Variants in HTR3E observed in about 807,000 individuals in gnomAD.
HTR3E encodes the protein 5-hydroxytryptamine receptor 3E, also known as 5-hydroxytryptamine (serotonin) receptor 3, family member E.
HTR3E carries 38 observed loss-of-function variants against 38.0 expected under a neutral mutation model. The observed-to-expected ratio is 1.00, with a 90% confidence interval of 0.77 to 1.31. HTR3E has a LOEUF of 1.31. HTR3E is among the 50% of genes most tolerant of loss of function. The pLI, the probability that HTR3E is intolerant of heterozygous loss-of-function variation, is 0.00. For synonymous variants in HTR3E, 210 were observed against 232.9 expected, an observed-to-expected ratio of 0.90 and a Z score of 0.89; for missense variants, 547 against 585.2, an observed-to-expected ratio of 0.93 and a Z score of 0.67.
intron 6 of HTR3E, 129 bp from the exon 7 acceptor site, chr3:184,105,636 C>T: frequency 1.1e-6 from 1 of 940,720 alleles, no homozygotes. Context: ...CTGCATTCCC[C>T]ACAGCTCCAG....
In HTR3E at chr3:184,097,436, A is replaced by G; in HGVS notation, c.-94A>G. 1 of 830,600 alleles carries G rather than the reference A, an allele frequency of 1.2e-6. No individual in the cohort carries two copies. The highest frequency in any genetic ancestry group is 1.9e-6 in the Non-Finnish European group (1 of 517,614). 51.5% of individuals were successfully genotyped at this position (830,600 alleles called of 1,614,324 possible). Reference sequence around the variant, plus strand: ...TCAGTGGTCAACCAATGCTATTAGTATTCAAAGTCAGACTCTAGGTGTGGC... The same window carrying G: ...TCAGTGGTCAACCAATGCTATTAGTGTTCAAAGTCAGACTCTAGGTGTGGC... On this transcript the variant is annotated 5_prime_UTR_variant, in exon 1 of 9. Transcript: ENST00000415389.
In HTR3E at chr3:184,104,296, G is replaced by C. The variant is rs201660158; in HGVS notation, c.389+5G>C. Reference sequence around the variant, plus strand: ...AGACATTTTCATCATTGAACTGTGCGTATCAAGGGCTGGTCAGAGGGAAGT... The same window carrying C: ...AGACATTTTCATCATTGAACTGTGCCTATCAAGGGCTGGTCAGAGGGAAGT... On this transcript the variant is annotated splice_donor_5th_base_variant and intron_variant, in intron 4 of 8. Transcript: ENST00000415389. 7 of 1,606,310 alleles carry C rather than the reference G, an allele frequency of 4.4e-6. 1 individual carries two copies. The South Asian group carries it at 4.5e-5, about 10-fold the overall frequency.
chr3:184,104,767 T>C lies in HTR3E; in HGVS notation c.390-20T>C. ...AGAGAGAAACTGCAGCACCTGCCTC[T>C]TGCGTTATCTCTCCTCCAGCATGGA... On this transcript the variant is annotated intron_variant, in intron 4 of 8. Coordinates refer to ENST00000415389, the MANE Select transcript of HTR3E (RefSeq NM_001256613.2). The C allele has an allele frequency of 3.2e-6, 5 of 1,571,688 alleles. No homozygotes were observed. Among genetic ancestry groups the C allele is most frequent in the Non-Finnish European group, 4.3e-6 (5 of 1,160,230 alleles).
intron 3 of HTR3E, among the ~76,000 whole-genome samples, chr3:184,103,870 A>G (rs555523583): frequency 6.6e-6 from 1 of 152,160 alleles, no homozygotes; most frequent in East Asian, 1.9e-4. Context: ...GGAAGGAAGG[A>G]GCTGGAGAAA....
chr3:184,105,136 T>A, intron 5 of HTR3E, 131 bp from the exon 6 acceptor site: 1 of 1,204,540 alleles, frequency 8.3e-7, no homozygotes, highest in South Asian at 1.6e-5. Flanking sequence ...CATCCCAAGC[T>A]CCTGGCAAGT....
intron 1 of HTR3E, among the ~76,000 whole-genome samples, chr3:184,098,234 G>A (rs1232305343): frequency 6.6e-6 from 1 of 152,170 alleles, no homozygotes; most frequent in Non-Finnish European, 1.5e-5. Context: ...TTGAATCTTG[G>A]TGTCTCACGT....
At chr3:184,104,673 T>A in intron 4 of HTR3E, 114 bp from the exon 5 acceptor site, 1 of 905,600 alleles carries the variant, frequency 1.1e-6, no homozygotes, top group Non-Finnish European at 1.6e-6. Context: ...GCTGAGAGCA[T>A]GCCACTCTAC....
In HTR3E at chr3:184,097,559, A is replaced by G; in HGVS notation, c.30A>G (p.Arg10=). The G allele has an allele frequency of 6.5e-7, 1 of 1,535,956 alleles. No individual in the cohort carries two copies. Among genetic ancestry groups the G allele is most frequent in the East Asian group, 2.4e-5 (1 of 40,908 alleles). MEGSWFHRK[R]FSFYLLLGFL... ...AAGGAAGCTGGTTCCACAGGAAAAG[A>G]TTTTCCTTCTACCTCCTTCTCGGTT... The change falls in exon 1 of 9, where the codon AGA becomes AGG. Residue 10 remains arginine (R), a synonymous_variant. Coordinates refer to ENST00000415389, the MANE Select transcript of HTR3E (RefSeq NM_001256613.2).
chr3:184,105,850 T>C lies in HTR3E; in HGVS notation c.806T>C (p.Phe269Ser). The C allele has an allele frequency of 6.2e-7, 1 of 1,614,136 alleles. No homozygotes were observed. Among genetic ancestry groups the C allele is most frequent in the South Asian group, 1.1e-5 (1 of 91,066 alleles). Residue 269 changes from phenylalanine (F) to serine (S), a missense_variant, in exon 7 of 9, where the codon TTC (phenylalanine) becomes TCC (serine). Physicochemically the swap from Phe to Ser is radical, Grantham distance 155. Coordinates refer to ENST00000415389, the MANE Select transcript of HTR3E (RefSeq NM_001256613.2). The part of the protein sequence containing the change: ...GFLVAIDALS[F>S]YLPVKSGNRV... Reference sequence around the variant, plus strand: ...CTGGTTGCCATCGATGCCCTCAGCTTCTACCTGCCAGTGAAAAGTGGGAAT... The same window carrying C: ...CTGGTTGCCATCGATGCCCTCAGCTCCTACCTGCCAGTGAAAAGTGGGAAT...
Position 184,104,207 on chromosome 3 carries a change from G to A in HTR3E, c.305G>A (p.Trp102Ter), listed in dbSNP as rs759648334. The change falls in exon 4 of 9, where the codon TGG (tryptophan) becomes TAG (stop). Residue 102 changes from tryptophan (W) to a stop codon, truncating the protein, a stop_gained. Transcript: ENST00000415389. LOFTEE classifies it high-confidence loss of function. ...EMVWDNPFIS[W>*]NPEECEGITK... Reference sequence around the variant, plus strand: ...GTTTGGGATAACCCATTTATCAGCTGGAACCCAGAGGAATGTGAGGGCATC... The same window carrying A: ...GTTTGGGATAACCCATTTATCAGCTAGAACCCAGAGGAATGTGAGGGCATC... 1.9e-6 allele frequency: 3 copies of A among 1,611,718 alleles called. No individual in the cohort carries two copies. The highest frequency in any genetic ancestry group is 2.5e-6 in the Non-Finnish European group (3 of 1,179,080).
chr3:184,103,723 A>G (rs7614808), intron 3 of HTR3E, among the ~76,000 whole-genome samples: 58,369 of 149,422 alleles, frequency 0.39, 11,308 homozygotes, highest in Middle Eastern at 0.5. Context: ...CTTGAACCCG[A>G]GAGGTGGAGG....
Position 184,106,426 on chromosome 3 carries a change from C to A in HTR3E, c.1142-38C>A, listed in dbSNP as rs374669452. The A allele has an allele frequency of 2.6e-6, 4 of 1,554,672 alleles. No individual in the cohort carries two copies. Among genetic ancestry groups the A allele is most frequent in the Non-Finnish European group, 3.5e-6 (4 of 1,149,588 alleles). ...CCTGTCTCCCTCCCTCCACAGGTGA[C>A]ATTTGCAGCCCATGGCTGAGTCTCT... On this transcript the variant is annotated intron_variant, in intron 8 of 8. Transcript: ENST00000415389. This position sits in a 1 kb window ranked among gnomAD's most constrained non-coding sequence, Gnocchi z 4.1.
intron 1 of HTR3E, chr3:184,100,063 C>T (rs895054985): frequency 4.6e-5 from 53 of 1,140,586 alleles, no homozygotes; most frequent in Non-Finnish European, 5.2e-5. Context: ...ACCCCATCCT[C>T]CCGGGCCTCG....
intron 1 of HTR3E, among the ~76,000 whole-genome samples, chr3:184,099,185 G>T (rs972467257): frequency 1.3e-5 from 2 of 151,538 alleles, no homozygotes; most frequent in Non-Finnish European, 2.9e-5. Context: ...CTTGAGCCCC[G>T]GGGTTTGAGA....
rs148670623 is a variant in HTR3E at position 184,100,560 on chromosome 3, T to G, written c.143T>G (p.Val48Gly). The change falls in exon 2 of 9, where the codon GTG (valine) becomes GGG (glycine). Residue 48 changes from valine (V) to glycine (G), a missense_variant. Transcript: ENST00000415389. The stretch of plus-strand genomic sequence containing the variant: ...GCGGATCCCACTGCTCTGAATTCAG[T>G]GTTTAATAGAAAGCCCTTCCGTCCG... ...HGADPTALNS[V>G]FNRKPFRPVT... is the part of the protein sequence containing the mutation. 4.2e-5 allele frequency: 68 copies of G among 1,614,102 alleles called. No individual in the cohort carries two copies. The African/African-American group carries it at 8.9e-4, about 21-fold the overall frequency.
At position 184,100,622 on chromosome 3, in the gene HTR3E, T is replaced by TC; in HGVS notation, c.207dup (p.Phe70LeufsTer11). 1.2e-6 allele frequency: 2 copies of TC among 1,614,014 alleles called. No individual in the cohort carries two copies. The highest frequency in any genetic ancestry group is 1.7e-6 in the Non-Finnish European group (2 of 1,179,964). On this transcript the variant is annotated frameshift_variant, in exon 2 of 9. Transcript: ENST00000415389. LOFTEE classifies it high-confidence loss of function. The stretch of plus-strand genomic sequence containing the variant: ...CAGCGTCCCCACCCAAGTCAACATC[T>TC]CCTTCGCGATGTCTGCCATCCTAGA...
rs544109072 is a variant in HTR3E, at chr3:184,100,734, C to A, written c.234+83C>A. ...CAAAGTGGCCCCCCAAAGCCCTTAT[C>A]CACATTTCTGCTTCCTCCACCACTG... is the stretch of plus-strand genomic sequence containing the variant. On this transcript the variant is annotated intron_variant, in intron 2 of 8. Coordinates refer to ENST00000415389, the MANE Select transcript of HTR3E (RefSeq NM_001256613.2). 1.6e-5 allele frequency: 24 copies of A among 1,541,464 alleles called. No individual in the cohort carries two copies. In the East Asian group the frequency reaches 4.3e-4, roughly 28 times the overall value.
intron 4 of HTR3E, 71 bp downstream of exon 4, chr3:184,104,362 G>A (rs1330970689): frequency 4.5e-6 from 7 of 1,547,586 alleles, no homozygotes; most frequent in Non-Finnish European, 4.4e-6. Flanking sequence ...TTTACCATTG[G>A]GGCCACTGTA....
chr3:184,101,359 G>A (rs1712032819), intron 2 of HTR3E, 126 bp from the exon 3 acceptor site: 2 of 834,842 alleles, frequency 2.4e-6, no homozygotes, highest in African/African-American at 1.7e-5. Flanking sequence ...TTTGGATAGA[G>A]CTTTTGTTCT....
Sources: gnomAD v4.1 joint callset for allele counts (sites outside exome capture counted in the v4.1 genomes callset) on GRCh38, gnomAD v4.1.1 for gene constraint, Gnocchi (gnomAD v3.1) non-coding constraint, MANE v1.5 for transcripts, NCBI Gene and HGNC (gene_info 2026-07-23, HGNC 2026-07-21) for gene names.